Variants in LRRC28 observed in about 807,000 individuals in gnomAD.
The protein encoded by LRRC28 is leucine rich repeat containing 28, also known as leucine-rich repeat-containing protein 28.
In LRRC28, 39 loss-of-function variants were observed where a neutral mutation model predicts 45.7. The observed-to-expected ratio is 0.85, with a 90% CI of 0.66 to 1.12. The LOEUF (loss-of-function observed/expected upper bound fraction) is 1.12, where lower values mean the gene tolerates loss of function less well. Ranked by LOEUF, LRRC28 falls within the 50% of genes most tolerant of loss-of-function variation. The pLI is 0.00. For missense variants in LRRC28, 435 were observed against 438.5 expected, an observed-to-expected ratio of 0.99 and a Z score of 0.07; for synonymous variants, 206 against 178.8, an observed-to-expected ratio of 1.15 and a Z score of -1.22.
chr15:99,268,466 CA>C (rs567882182), intron 2 of LRRC28, among the ~76,000 whole-genome samples: 66 of 152,222 alleles, frequency 4.3e-4, no homozygotes, highest in Non-Finnish European at 7.8e-4. Flanking sequence ...TATTTGCAAG[CA>C]AAAGACTCAA....
chr15:99,280,561 G>C (rs1043082002), intron 3 of LRRC28, among the ~76,000 whole-genome samples: 2 of 152,000 alleles, frequency 1.3e-5, no homozygotes, highest in East Asian at 3.8e-4. Context: ...CATAGTTTCT[G>C]AAGAAACATC....
At chr15:99,278,773 G>A (rs2902154) in intron 3 of LRRC28, among the ~76,000 whole-genome samples, 62,677 of 152,106 alleles carry the variant, frequency 0.41, 13,118 homozygotes, top group Middle Eastern at 0.6. Context: ...TGACTTAGCT[G>A]GGTGCCTTTG....
intron 2 of LRRC28, among the ~76,000 whole-genome samples, chr15:99,275,854 G>C (rs959053932): frequency 6.6e-6 from 1 of 152,104 alleles, no homozygotes; most frequent in Non-Finnish European, 1.5e-5. Flanking sequence ...TAAGGCAGGG[G>C]TCCCCAATCC....
chr15:99,285,205 T>A, intron 3 of LRRC28: 1 of 730,698 alleles, frequency 1.4e-6, no homozygotes, highest in Non-Finnish European at 2.5e-6. Context: ...TCCATACTGT[T>A]CAAAATAATC....
intron 3 of LRRC28, among the ~76,000 whole-genome samples, chr15:99,278,525 C>T (rs2081684460): frequency 6.6e-6 from 1 of 152,224 alleles, no homozygotes. Flanking sequence ...GGATTACAGG[C>T]GTGAGCCACT....
intron 5 of LRRC28, among the ~76,000 whole-genome samples, chr15:99,321,070 T>C (rs1437548232): frequency 1.3e-5 from 2 of 152,202 alleles, no homozygotes; most frequent in Non-Finnish European, 2.9e-5. Context: ...CCTTTAGACT[T>C]GCCTTCAGAG....
intron 6 of LRRC28, among the ~76,000 whole-genome samples, chr15:99,343,448 C>G (rs758767903): frequency 2.0e-5 from 3 of 152,094 alleles, no homozygotes; most frequent in Non-Finnish European, 2.9e-5. Context: ...TATAAGCAAA[C>G]AAACAAACAG....
chr15:99,358,856 T>C (rs1304644237), intron 7 of LRRC28, among the ~76,000 whole-genome samples: 1 of 152,116 alleles, frequency 6.6e-6, no homozygotes, highest in Admixed American at 6.6e-5. Context: ...GGCGGGCCAA[T>C]CACTTGAGGT....
chr15:99,271,566 C>T (rs765340845), intron 2 of LRRC28, among the ~76,000 whole-genome samples: 8 of 151,932 alleles, frequency 5.3e-5, no homozygotes, highest in South Asian at 2.1e-4. Flanking sequence ...CGTGAGCCAC[C>T]GCATCCAGCC....
intron 3 of LRRC28, among the ~76,000 whole-genome samples, chr15:99,281,383 C>T (rs558861669): frequency 1.3e-5 from 2 of 152,096 alleles, no homozygotes; most frequent in Non-Finnish European, 2.9e-5. Flanking sequence ...TCCCAAAGCT[C>T]TGGGATTATG....
intron 6 of LRRC28, among the ~76,000 whole-genome samples, chr15:99,343,819 T>C (rs1355153408): frequency 6.6e-6 from 1 of 152,306 alleles, no homozygotes; most frequent in East Asian, 1.9e-4. Context: ...ATCTTAAGAA[T>C]ATAAGAAACA....
chr15:99,284,229 A>G (rs117595203), intron 3 of LRRC28, among the ~76,000 whole-genome samples: 26 of 152,330 alleles, frequency 1.7e-4, no homozygotes, highest in Admixed American at 5.9e-4. Flanking sequence ...TTGGGTACCA[A>G]TAAGACCCCT....
chr15:99,335,131 T>G (rs62023844), intron 6 of LRRC28, among the ~76,000 whole-genome samples: 16,778 of 152,162 alleles, frequency 0.11, 1,031 homozygotes, highest in African/African-American at 0.17. Context: ...AATCAGAGCT[T>G]CTTTCAAGTG....
At chr15:99,379,018 C>T (rs940093767) in intron 9 of LRRC28, among the ~76,000 whole-genome samples, 10 of 149,922 alleles carry the variant, frequency 6.7e-5, no homozygotes, top group East Asian at 1.9e-4. Flanking sequence ...TGTTGTGTCT[C>T]GCCAGGCTTT....
At chr15:99,344,422 G>C (rs937802911) in intron 6 of LRRC28, among the ~76,000 whole-genome samples, 1 of 152,018 alleles carries the variant, frequency 6.6e-6, no homozygotes, top group Non-Finnish European at 1.5e-5. Flanking sequence ...TATTTGGAAA[G>C]TTTAAGTGTC....
chr15:99,361,230 G>T, intron 7 of LRRC28, 106 bp from the exon 8 acceptor site: 1 of 1,310,200 alleles, frequency 7.6e-7, no homozygotes, highest in Admixed American at 2.6e-5. Context: ...TGGCAATTCA[G>T]CAGTGTCATA....
intron 9 of LRRC28, among the ~76,000 whole-genome samples, chr15:99,383,237 G>C (rs962368875): frequency 6.6e-6 from 1 of 152,142 alleles, no homozygotes; most frequent in African/African-American, 2.4e-5. Flanking sequence ...TTGCATCTGT[G>C]CCTGTTACTG....
intron 6 of LRRC28, among the ~76,000 whole-genome samples, chr15:99,339,277 C>T (rs978256311): frequency 1.3e-5 from 2 of 152,160 alleles, no homozygotes; most frequent in Non-Finnish European, 2.9e-5. Flanking sequence ...GGATTGTGTT[C>T]CGTTCACAAA....
intron 2 of LRRC28, among the ~76,000 whole-genome samples, chr15:99,263,803 T>G (rs1203194302): frequency 1.3e-5 from 2 of 152,224 alleles, no homozygotes; most frequent in Non-Finnish European, 2.9e-5. Context: ...TGTTGAGTAC[T>G]TAACTGTGTA....
Sources: allele counts gnomAD v4.1 joint callset (sites outside exome capture counted in the v4.1 genomes callset), GRCh38; gene constraint gnomAD v4.1.1; transcripts MANE v1.5; gene names NCBI Gene and HGNC (gene_info 2026-07-23, HGNC 2026-07-21).